Variants in ZWILCH observed in about 807,000 individuals in gnomAD.
The protein encoded by ZWILCH is zwilch kinetochore protein, also known as protein zwilch homolog.
A neutral mutation model predicts 79.9 loss-of-function variants in ZWILCH; 74 were observed. The ratio of observed to expected loss-of-function variants is 0.93; its 90% confidence interval spans 0.77 to 1.12. The LOEUF (loss-of-function observed/expected upper bound fraction) is 1.12, where lower values mean the gene tolerates loss of function less well. ZWILCH is among the 50% of genes most tolerant of loss of function. ZWILCH has a pLI of 0.00. For missense variants in ZWILCH, 694 were observed against 687.5 expected, an observed-to-expected ratio of 1.01 and a Z score of -0.11; for synonymous variants, 241 against 228.2, an observed-to-expected ratio of 1.06 and a Z score of -0.51.
At chr15:66,526,594 G>A (rs1456058777) in intron 8 of ZWILCH, among the ~76,000 whole-genome samples, 2 of 151,984 alleles carry the variant, frequency 1.3e-5, no homozygotes, top group Admixed American at 6.6e-5. Context: ...CGAGTAGCTG[G>A]GACTAAAGGC....
chr15:66,525,080 C>T (rs1005173801), intron 8 of ZWILCH, among the ~76,000 whole-genome samples: 1 of 152,214 alleles, frequency 6.6e-6, no homozygotes, highest in African/African-American at 2.4e-5. Context: ...ATGAAACTAT[C>T]TTCTCCAGAC....
intron 17 of ZWILCH, 27 bp from the exon 18 acceptor site, chr15:66,546,564 C>T (rs1016455753): frequency 1.3e-6 from 2 of 1,545,360 alleles, no homozygotes; most frequent in South Asian, 1.2e-5. Flanking sequence ...TTAAGCAATT[C>T]TGATCTCACT....
At chr15:66,516,618 G>T (rs1482922768) in intron 4 of ZWILCH, among the ~76,000 whole-genome samples, 1 of 151,644 alleles carries the variant, frequency 6.6e-6, no homozygotes, top group Admixed American at 6.6e-5. Context: ...TGATTCTCCT[G>T]CCTCAGCCTC....
chr15:66,523,172 A>G (rs551543250), intron 7 of ZWILCH, among the ~76,000 whole-genome samples: 71 of 152,184 alleles, frequency 4.7e-4, no homozygotes, highest in Non-Finnish European at 6.8e-4. Flanking sequence ...ATTTACATAC[A>G]TTGGCATATA....
intron 10 of ZWILCH, 111 bp from the exon 11 acceptor site, chr15:66,528,741 A>G (rs1894760952): frequency 1.2e-6 from 1 of 823,710 alleles, no homozygotes; most frequent in Non-Finnish European, 1.9e-6. Context: ...ATTCGTTCAT[A>G]TCTTTGTGTG....
Position 66,514,083 on chromosome 15 carries a change from G to C in ZWILCH, c.201G>C (p.Val67=). Residue 67 remains valine (V), a splice_region_variant and synonymous_variant, in exon 3 of 19, where the codon GTG becomes GTC. Coordinates refer to ENST00000307897, the MANE Select transcript of ZWILCH (RefSeq NM_017975.5). The part of the protein sequence containing the change: ...ENDIVFIVEK[V]PLEKEETSHI... The stretch of plus-strand genomic sequence containing the variant: ...ACATAGTATTCATAGTGGAAAAAGT[G>C]GTAAGTACTGGTTTGACTTTGTGGT... The C allele has an allele frequency of 6.2e-7, 1 of 1,600,258 alleles. No individual in the cohort carries two copies. Among genetic ancestry groups the C allele is most frequent in the East Asian group, 2.2e-5 (1 of 44,634 alleles).
intron 10 of ZWILCH, among the ~76,000 whole-genome samples, chr15:66,528,605 T>C (rs1595915680): frequency 1.8e-5 from 1 of 56,288 alleles, no homozygotes. Flanking sequence ...GGTAATTTAA[T>C]TTTTTTTTTA....
rs189282353 is a variant in ZWILCH at position 66,519,610 on chromosome 15, C to G, written c.520+532C>G. Among the ~76,000 whole-genome samples, 5 of 152,088 alleles carry G rather than the reference C, an allele frequency of 3.3e-5. No homozygotes were observed. The East Asian group carries it at 9.7e-4, about 29-fold the overall frequency. On this transcript the variant is annotated intron_variant, in intron 5 of 18. Coordinates refer to ENST00000307897, the MANE Select transcript of ZWILCH (RefSeq NM_017975.5). ...CTGGGATTACAGGCACCTGCCACCA[C>G]GCCCGGCTAATTTTTTTGTATTTTT...
chr15:66,533,506 C>T (rs928517513), intron 14 of ZWILCH, among the ~76,000 whole-genome samples: 1 of 151,996 alleles, frequency 6.6e-6, no homozygotes, highest in Admixed American at 6.6e-5. Context: ...TGATCTTTGA[C>T]GTTCATTGAA....
intron 17 of ZWILCH, among the ~76,000 whole-genome samples, chr15:66,544,724 T>TTTTGTG (rs145952622): frequency 0.025 from 3,264 of 128,498 alleles, 57 homozygotes; most frequent in Middle Eastern, 0.064. Flanking sequence ...TTTTTGGTTT[T>TTTTGTG]TGTGTGTGTG....
chr15:66,546,892 T>A (rs557052243), intron 18 of ZWILCH, 187 bp downstream of exon 18: 2 of 252,896 alleles, frequency 7.9e-6, no homozygotes, highest in Admixed American at 1.1e-4. Context: ...CCTTTTGTGG[T>A]CAACTTTTAA....
chr15:66,523,923 A>G (rs545320903), intron 8 of ZWILCH, among the ~76,000 whole-genome samples, 175 bp downstream of exon 8: 12 of 152,328 alleles, frequency 7.9e-5, no homozygotes, highest in Admixed American at 7.2e-4. Context: ...TGTCCTTACA[A>G]TTAACGGGAG....
chr15:66,515,567 A>T lies in ZWILCH; in HGVS notation c.243A>T (p.Gln81His), dbSNP rs770118167. 6.2e-7 allele frequency: 1 copy of T among 1,612,396 alleles called. No individual in the cohort carries two copies. ...AAACAAGTCATATTGAAGAACTTCA[A>T]TCTGAAGAAACTGCCATATCTGATT... ...KEETSHIEEL[Q>H]SEETAISDFS... Residue 81 changes from glutamine to histidine, a missense_variant, in exon 4 of 19, where the codon CAA becomes CAT. Gln to His is a conservative substitution (Grantham distance 24). Transcript: ENST00000307897.
intron 2 of ZWILCH, among the ~76,000 whole-genome samples, chr15:66,510,695 G>T (rs1220740796): frequency 1.3e-5 from 2 of 152,124 alleles, no homozygotes; most frequent in African/African-American, 4.8e-5. Context: ...TGAAATTAAG[G>T]TGTCAGCAAG....
Position 66,548,605 on chromosome 15 carries a change from T to C in ZWILCH, c.*281T>C. Reference sequence around the variant, plus strand: ...CATTTGCATGTGACTTAGCAAGGGCTCTGAAATGACAAAGAGAACGAGCAC... The same window carrying C: ...CATTTGCATGTGACTTAGCAAGGGCCCTGAAATGACAAAGAGAACGAGCAC... On this transcript the variant is annotated 3_prime_UTR_variant, in exon 19 of 19. Coordinates refer to ENST00000307897, the MANE Select transcript of ZWILCH (RefSeq NM_017975.5). 3.9e-6 allele frequency: 6 copies of C among 1,538,360 alleles called. No individual in the cohort carries two copies. Among genetic ancestry groups the C allele is most frequent in the Non-Finnish European group, 5.4e-6 (6 of 1,111,466 alleles).
chr15:66,519,163 T>C, intron 5 of ZWILCH, 85 bp downstream of exon 5: 1 of 1,361,908 alleles, frequency 7.3e-7, no homozygotes, highest in Non-Finnish European at 1.0e-6. Flanking sequence ...AAATTGATAT[T>C]GTTATGATGA....
Position 66,508,833 on chromosome 15 carries a change from C to T in ZWILCH, c.54-8C>T, listed in dbSNP as rs759944469. On this transcript the variant is annotated splice_polypyrimidine_tract_variant and splice_region_variant and intron_variant, in intron 1 of 18. Coordinates refer to ENST00000307897, the MANE Select transcript of ZWILCH (RefSeq NM_017975.5). ...GTTCTGTTTTTCACATGTGGTTCTG[C>T]GTTTCAGGAAATTTAATGAAGAAAA... The T allele has an allele frequency of 6.8e-6, 11 of 1,613,708 alleles. No individual in the cohort carries two copies. The Admixed American group carries it at 1.0e-4, about 15-fold the overall frequency.
At chr15:66,537,528 T>C (rs1327329661) in intron 16 of ZWILCH, among the ~76,000 whole-genome samples, 3 of 151,320 alleles carry the variant, frequency 2.0e-5, no homozygotes, top group African/African-American at 7.3e-5. Context: ...CCATCTCTAC[T>C]AAAAATACAA....
intron 17 of ZWILCH, among the ~76,000 whole-genome samples, chr15:66,546,140 A>G (rs1895363317): frequency 1.3e-5 from 2 of 152,224 alleles, no homozygotes; most frequent in South Asian, 4.1e-4. Context: ...GGAAGTGGAC[A>G]TTATCCCATC....
Sources: allele counts gnomAD v4.1 joint callset (sites outside exome capture counted in the v4.1 genomes callset), GRCh38; gene constraint gnomAD v4.1.1; transcripts MANE v1.5; gene names NCBI Gene and HGNC (gene_info 2026-07-23, HGNC 2026-07-21).